The following GALNTL6 variants were observed in gnomAD, a reference collection of about 807,000 sequenced individuals.
GALNTL6 encodes the protein polypeptide N-acetylgalactosaminyltransferase like 6, also known as polypeptide N-acetylgalactosaminyltransferase-like 6.
Under a neutral mutation model 73.7 loss-of-function variants are expected in GALNTL6, and 46 were observed. The ratio of observed to expected loss-of-function variants is 0.62; its 90% confidence interval spans 0.49 to 0.80. The LOEUF is 0.80. Among genes scored for constraint, GALNTL6 ranks in the 30% least tolerant of loss-of-function variants. The pLI is 0.00. For synonymous variants in GALNTL6, 259 were observed against 263.7 expected (o/e 0.98, Z 0.17); for missense variants, 604 against 755.0 (o/e 0.80, Z 2.34).
intron 5 of GALNTL6, among the ~76,000 whole-genome samples, chr4:172,702,194 G>A (rs1490965544): frequency 3.3e-5 from 5 of 151,970 alleles, no homozygotes; most frequent in Non-Finnish European, 1.5e-5. Context: ...ATATTAGAAT[G>A]AGTTTCTCAA....
intron 2 of GALNTL6, among the ~76,000 whole-genome samples, chr4:172,000,047 A>G (rs183999566): frequency 2.8e-4 from 43 of 152,326 alleles, no homozygotes; most frequent in Admixed American, 2.6e-3. Flanking sequence ...TGGTAGCATC[A>G]GCATATACGG....
intron 2 of GALNTL6, among the ~76,000 whole-genome samples, chr4:172,024,344 C>A (rs1351875515): frequency 6.6e-6 from 1 of 151,346 alleles, no homozygotes; most frequent in Non-Finnish European, 1.5e-5. Context: ...TAATATATTC[C>A]CATTGGATGA....
At chr4:172,635,893 T>A (rs1346581640) in intron 5 of GALNTL6, among the ~76,000 whole-genome samples, 1 of 152,212 alleles carries the variant, frequency 6.6e-6, no homozygotes, top group Non-Finnish European at 1.5e-5. Flanking sequence ...CTAAACCATA[T>A]GATAATTATT....
rs201249775 is a variant in GALNTL6 at position 172,396,316 on chromosome 4, C to T, written c.553+47627C>T. On this transcript the variant is annotated intron_variant, in intron 5 of 12. Coordinates refer to ENST00000506823, the MANE Select transcript of GALNTL6 (RefSeq NM_001034845.3). ...TGCAATTACTATTTTCTTTTTTTTT[C>T]TTTTTTTTTTTTTTAAGTCTAAGCC... Among the ~76,000 whole-genome samples, 21 of 137,532 alleles carry T rather than the reference C, an allele frequency of 1.5e-4. 1 individual carries two copies. Among genetic ancestry groups the T allele is most frequent in the South Asian group, 4.7e-4 (2 of 4,276 alleles). 90.2% of individuals were successfully genotyped at this position (137,532 alleles called of 152,430 possible).
intron 4 of GALNTL6, among the ~76,000 whole-genome samples, chr4:172,318,506 G>T (rs1039221759): frequency 2.0e-5 from 3 of 152,098 alleles, no homozygotes; most frequent in African/African-American, 7.2e-5. Flanking sequence ...TTCGAGACCA[G>T]CCTGGCCAAC....
At chr4:172,672,977 T>C (rs560279414) in intron 5 of GALNTL6, among the ~76,000 whole-genome samples, 2 of 152,200 alleles carry the variant, frequency 1.3e-5, no homozygotes, top group African/African-American at 4.8e-5. Context: ...AATGAGCTTC[T>C]GGATTAATTG....
chr4:173,022,165 C>G (rs376272349), intron 12 of GALNTL6, among the ~76,000 whole-genome samples: 1 of 83,058 alleles, frequency 1.2e-5, no homozygotes, highest in Non-Finnish European at 2.4e-5. Flanking sequence ...GGCAGGAAGG[C>G]AGGAAGGGAG....
intron 2 of GALNTL6, among the ~76,000 whole-genome samples, chr4:172,027,132 A>C (rs949400558): frequency 6.6e-6 from 1 of 152,118 alleles, no homozygotes; most frequent in Non-Finnish European, 1.5e-5. Flanking sequence ...GCTTCAAGCA[A>C]TCCTCCCACT....
intron 11 of GALNTL6, among the ~76,000 whole-genome samples, chr4:173,013,605 A>G (rs893632386): frequency 1.4e-5 from 2 of 143,728 alleles, no homozygotes; most frequent in Non-Finnish European, 3.0e-5. Flanking sequence ...GCAAAAATCT[A>G]TGGCCCGTAA....
intron 7 of GALNTL6, among the ~76,000 whole-genome samples, chr4:172,822,984 C>A (rs1579527543): frequency 6.6e-6 from 1 of 152,016 alleles, no homozygotes; most frequent in East Asian, 1.9e-4. Context: ...GGATATAATG[C>A]CCCACTCTCT....
chr4:172,140,793 G>A (rs959656480), intron 2 of GALNTL6, among the ~76,000 whole-genome samples: 3 of 152,030 alleles, frequency 2.0e-5, no homozygotes, highest in African/African-American at 7.2e-5. Flanking sequence ...AGAGGTTAAA[G>A]CCTGAACTGA....
In GALNTL6 at chr4:171,814,743, A is replaced by G. The variant is rs746622357; in HGVS notation, c.138+25A>G. 3.1e-6 allele frequency: 5 copies of G among 1,612,624 alleles called. No homozygotes were observed. In the South Asian group the frequency reaches 5.5e-5, roughly 18 times the overall value. On this transcript the variant is annotated intron_variant, in intron 2 of 12. Coordinates refer to ENST00000506823, the MANE Select transcript of GALNTL6 (RefSeq NM_001034845.3). ...GGTAAGTGCCACCCAGAGAAAGATC[A>G]CACAAGGATTGGTAAGGCAGTGATC...
chr4:172,104,551 G>C (rs947173781), intron 2 of GALNTL6, among the ~76,000 whole-genome samples: 1 of 152,010 alleles, frequency 6.6e-6, no homozygotes, highest in African/African-American at 2.4e-5. Flanking sequence ...TTCATTATTT[G>C]AAATAATGAA....
At chr4:172,706,715 A>T (rs1734377470) in intron 5 of GALNTL6, among the ~76,000 whole-genome samples, 1 of 152,088 alleles carries the variant, frequency 6.6e-6, no homozygotes. Context: ...AGAATACTGC[A>T]CATCTCAGAC....
chr4:171,824,781 G>T (rs1734779872), intron 2 of GALNTL6, among the ~76,000 whole-genome samples: 1 of 151,592 alleles, frequency 6.6e-6, no homozygotes, highest in Non-Finnish European at 1.5e-5. Context: ...TGATATTTTT[G>T]CATTTTAAAG....
chr4:172,854,382 A>G (rs1233621902), intron 7 of GALNTL6, among the ~76,000 whole-genome samples: 3 of 152,220 alleles, frequency 2.0e-5, no homozygotes, highest in Non-Finnish European at 4.4e-5. Flanking sequence ...AAATAGTTTG[A>G]ATTCAAAAAA....
intron 5 of GALNTL6, among the ~76,000 whole-genome samples, chr4:172,396,218 A>G (rs1395235921): frequency 4.6e-5 from 7 of 152,052 alleles, no homozygotes; most frequent in African/African-American, 1.7e-4. Flanking sequence ...TTGAGTTTAA[A>G]AGTGTCTGCC....
chr4:171,841,970 A>T (rs1735249473), intron 2 of GALNTL6, among the ~76,000 whole-genome samples: 3 of 152,108 alleles, frequency 2.0e-5, no homozygotes, highest in African/African-American at 7.2e-5. Flanking sequence ...TCATGAAAGT[A>T]TGTATATTTC....
intron 5 of GALNTL6, among the ~76,000 whole-genome samples, chr4:172,694,668 G>C (rs1733572082): frequency 6.6e-6 from 1 of 152,194 alleles, no homozygotes; most frequent in Admixed American, 6.5e-5. Context: ...TTTAAGCAGA[G>C]ACTGGAACAG....
Sources: gnomAD v4.1 joint callset for allele counts (sites outside exome capture counted in the v4.1 genomes callset) on GRCh38, gnomAD v4.1.1 for gene constraint, MANE v1.5 for transcripts, NCBI Gene and HGNC (gene_info 2026-07-23, HGNC 2026-07-21) for gene names.